Variants in CSMD1 observed in about 807,000 individuals in gnomAD.
The protein encoded by CSMD1 is CUB and Sushi multiple domains 1.
CSMD1 carries 213 observed loss-of-function variants against 417.5 expected under a neutral mutation model. The ratio of observed to expected loss-of-function variants is 0.51; its 90% CI spans 0.46 to 0.57. The LOEUF is 0.57. Among genes scored for constraint, CSMD1 ranks in the 20% least tolerant of loss-of-function variants. The probability of loss-of-function intolerance (pLI) is 0.00; values close to 1 mark genes in which losing one functional copy is unlikely to be tolerated. For missense variants in CSMD1, 6,923 were observed against 4,529.7 expected (o/e 1.53, Z -15.17); for synonymous variants, 2,862 against 1,736.8 (o/e 1.65, Z -16.11).
intron 1 of CSMD1, among the ~76,000 whole-genome samples, chr8:4,715,620 T>C (rs919849042): frequency 5.3e-5 from 8 of 152,130 alleles, no homozygotes; most frequent in Non-Finnish European, 8.8e-5. Flanking sequence ...ACAAAAATGA[T>C]CTCCTGATTT....
chr8:4,876,081 G>C (rs926752049), intron 1 of CSMD1, among the ~76,000 whole-genome samples: 33 of 152,182 alleles, frequency 2.2e-4, no homozygotes, highest in South Asian at 8.3e-4. Flanking sequence ...ATAGCCTAAT[G>C]AGTATAACAA....
chr8:4,717,561 TC>T (rs1808758689), intron 1 of CSMD1, among the ~76,000 whole-genome samples: 2 of 126,586 alleles, frequency 1.6e-5, no homozygotes, highest in Non-Finnish European at 3.4e-5. Flanking sequence ...TATCTATCTA[TC>T]TATCCATCCA....
rs563124592 is a variant in CSMD1 at position 3,574,978 on chromosome 8, A to G, written c.1311T>C (p.Cys437=). Residue 437 remains cysteine (C), a synonymous_variant, in exon 10 of 70, where the codon TGT becomes TGC. Coordinates refer to ENST00000635120, the MANE Select transcript of CSMD1 (RefSeq NM_033225.6). ...GGTCGGTGGTGGTGATGACCCACAC[A>G]CAGTGTGCATTATCTTCATACTGAA... The part of the protein sequence containing the change: ...YPVQYEDNAH[C]VWVITTTDPD... 60 of 1,612,956 alleles carry G rather than the reference A, an allele frequency of 3.7e-5. No homozygotes were observed. In the East Asian group the frequency reaches 1.3e-3, roughly 35 times the overall value.
intron 5 of CSMD1, among the ~76,000 whole-genome samples, chr8:3,919,743 T>C (rs1809098915): frequency 2.0e-5 from 3 of 151,708 alleles, no homozygotes; most frequent in Non-Finnish European, 4.4e-5. Flanking sequence ...ATTTTAAAAA[T>C]ATTAATTATT....
At chr8:4,050,788 C>G (rs1488696860) in intron 3 of CSMD1, among the ~76,000 whole-genome samples, 1 of 151,998 alleles carries the variant, frequency 6.6e-6, no homozygotes, top group Admixed American at 6.6e-5. Context: ...ATTCAGAGTC[C>G]CTGAAACGGT....
At chr8:3,669,707 G>C (rs544497702) in intron 7 of CSMD1, among the ~76,000 whole-genome samples, 2 of 152,212 alleles carry the variant, frequency 1.3e-5, no homozygotes, top group East Asian at 1.9e-4. Flanking sequence ...GCTAGGAACT[G>C]GGTACAAAGA....
chr8:3,188,334 T>G (rs1796208228), intron 35 of CSMD1, among the ~76,000 whole-genome samples: 1 of 113,406 alleles, frequency 8.8e-6, no homozygotes, highest in Non-Finnish European at 1.7e-5. Context: ...TGAGATGGAG[T>G]CTTCCTCTGT....
intron 5 of CSMD1, among the ~76,000 whole-genome samples, chr8:3,927,613 C>T (rs182839242): frequency 1.3e-5 from 2 of 149,304 alleles, no homozygotes; most frequent in Admixed American, 6.7e-5. Context: ...TGCAGTGAGC[C>T]GACATCACGC....
At chr8:4,452,454 C>T (rs1799203065) in intron 2 of CSMD1, among the ~76,000 whole-genome samples, 1 of 152,190 alleles carries the variant, frequency 6.6e-6, no homozygotes, top group Non-Finnish European at 1.5e-5. Context: ...TTAATCCTGT[C>T]AGGCATTACC....
chr8:3,433,103 A>G (rs1462404346), intron 12 of CSMD1, among the ~76,000 whole-genome samples: 1 of 152,246 alleles, frequency 6.6e-6, no homozygotes, highest in Non-Finnish European at 1.5e-5. Flanking sequence ...AATACGTTTT[A>G]TACAGAGATT....
At chr8:3,778,066 A>T (rs1191828899) in intron 5 of CSMD1, among the ~76,000 whole-genome samples, 1 of 152,208 alleles carries the variant, frequency 6.6e-6, no homozygotes, top group African/African-American at 2.4e-5. Context: ...ACGTCCCTCC[A>T]GGGGAAACTG....
intron 6 of CSMD1, among the ~76,000 whole-genome samples, chr8:3,714,198 A>T (rs1444570486): frequency 6.6e-6 from 1 of 150,698 alleles, no homozygotes; most frequent in East Asian, 1.9e-4. Flanking sequence ...TAAGCTCCAT[A>T]TATAACATAT....
intron 2 of CSMD1, among the ~76,000 whole-genome samples, chr8:4,590,606 T>C (rs1156231267): frequency 1.3e-5 from 2 of 152,090 alleles, no homozygotes; most frequent in East Asian, 1.9e-4. Flanking sequence ...AAAATAAAAA[T>C]GTATACTGTT....
chr8:4,628,160 A>G (rs2130833478), intron 2 of CSMD1, among the ~76,000 whole-genome samples: 1 of 151,320 alleles, frequency 6.6e-6, no homozygotes, highest in African/African-American at 2.4e-5. Context: ...ATCAAATTTC[A>G]ACTGAATGAT....
At chr8:4,486,190 T>TATACATAC in intron 2 of CSMD1, among the ~76,000 whole-genome samples, 1 of 12,124 alleles carries the variant, frequency 8.2e-5, no homozygotes, top group South Asian at 3.1e-3. Flanking sequence ...CATATATATA[T>TATACATAC]ATATATATAC....
intron 1 of CSMD1, among the ~76,000 whole-genome samples, chr8:4,709,362 G>A (rs753304255): frequency 6.6e-6 from 1 of 152,148 alleles, no homozygotes; most frequent in South Asian, 2.1e-4. Context: ...TAGGCTGTAT[G>A]TCCCATTGTG....
chr8:3,471,458 T>A (rs1338550923), intron 11 of CSMD1, among the ~76,000 whole-genome samples: 1 of 152,166 alleles, frequency 6.6e-6, no homozygotes, highest in Non-Finnish European at 1.5e-5. Flanking sequence ...GCTTTCTATA[T>A]ATCAAGTTTG....
chr8:3,896,253 G>C (rs887643058), intron 5 of CSMD1, among the ~76,000 whole-genome samples: 11 of 152,118 alleles, frequency 7.2e-5, no homozygotes, highest in Admixed American at 1.3e-4. Context: ...TCTCAAAACA[G>C]TCCTTCCAGA....
chr8:3,974,349 G>A (rs1268203872), intron 5 of CSMD1, among the ~76,000 whole-genome samples: 1 of 151,616 alleles, frequency 6.6e-6, no homozygotes, highest in Non-Finnish European at 1.5e-5. Flanking sequence ...GTAGTTGAAA[G>A]AAATGGAATC....
Sources: gnomAD v4.1 joint callset for allele counts (sites outside exome capture counted in the v4.1 genomes callset) on GRCh38, gnomAD v4.1.1 for gene constraint, MANE v1.5 for transcripts, NCBI Gene and HGNC (gene_info 2026-07-23, HGNC 2026-07-21) for gene names.